MAGI1: variants seen among roughly 807,000 people sequenced by gnomAD.
MAGI1 encodes membrane-associated guanylate kinase, WW and PDZ domain-containing protein 1.
A neutral mutation model predicts 139.9 loss-of-function variants in MAGI1; 58 were observed. The observed-to-expected ratio is 0.41, with a 90% CI of 0.34 to 0.52. The LOEUF (loss-of-function observed/expected upper bound fraction) is 0.52. MAGI1 is among the 20% of genes least tolerant of loss of function. The pLI, the probability that MAGI1 is intolerant of heterozygous loss-of-function variation, is 0.12. For synonymous variants in MAGI1, 812 were observed against 737.9 expected (o/e 1.10, Z -1.63); for missense variants, 1,874 against 1,901.6 (o/e 0.99, Z 0.27).
chr3:65,417,022 A>G (rs1946268247), intron 12 of MAGI1, among the ~76,000 whole-genome samples: 1 of 152,182 alleles, frequency 6.6e-6, no homozygotes, highest in Non-Finnish European at 1.5e-5. Flanking sequence ...GAAGGTGGGA[A>G]CATTTTACAC....
At chr3:65,961,228 G>A (rs1277197486) in intron 1 of MAGI1, among the ~76,000 whole-genome samples, 3 of 152,280 alleles carry the variant, frequency 2.0e-5, no homozygotes, top group Non-Finnish European at 2.9e-5. Context: ...GCTAGGAAAC[G>A]AACTGGTCTC....
chr3:65,475,362 C>G (rs1172374248), intron 4 of MAGI1, among the ~76,000 whole-genome samples: 1 of 152,026 alleles, frequency 6.6e-6, no homozygotes, highest in Non-Finnish European at 1.5e-5. Flanking sequence ...TACAGGCACC[C>G]ACCACCATAC....
chr3:65,688,711 T>C (rs2088295659), intron 1 of MAGI1, among the ~76,000 whole-genome samples: 1 of 152,204 alleles, frequency 6.6e-6, no homozygotes, highest in African/African-American at 2.4e-5. Flanking sequence ...CCTATGACAT[T>C]CATCTACAAT....
rs1560047205 is a variant in MAGI1, at chr3:65,951,021, AAGGAAGGAAGGAAGGAAAGGAG to A, written c.313+86953_313+86974del. Among the ~76,000 whole-genome samples the A allele has an allele frequency of 1.6e-4, 12 of 72,986 alleles. 1 individual carries two copies. The highest frequency in any genetic ancestry group is 3.2e-4 in the Non-Finnish European group (9 of 27,914). The allele number at this position is 72,986 out of a possible 152,430, so 47.9% of individuals were successfully genotyped here. The stretch of plus-strand genomic sequence containing the variant: ...GAAGGAAGGAAGGAAGGAAGGAAGG[AAGGAAGGAAGGAAGGAAAGGAG>A]GGAGGGAGGGAGGAAGGTGGGAGGG... On this transcript the variant is annotated intron_variant, in intron 1 of 22. Coordinates refer to ENST00000402939, the MANE Select transcript of MAGI1 (RefSeq NM_001033057.2).
chr3:65,944,489 G>A (rs895788092), intron 1 of MAGI1, among the ~76,000 whole-genome samples: 2 of 152,106 alleles, frequency 1.3e-5, no homozygotes, highest in South Asian at 2.1e-4. Context: ...CTGCACTCCA[G>A]CCTGGGCAAC....
chr3:65,417,320 C>T (rs1946299660), intron 12 of MAGI1, among the ~76,000 whole-genome samples: 1 of 151,936 alleles, frequency 6.6e-6, no homozygotes, highest in Non-Finnish European at 1.5e-5. Context: ...TACCCCTGAA[C>T]TTAAAGTTGG....
intron 1 of MAGI1, among the ~76,000 whole-genome samples, chr3:66,033,856 T>C (rs2068772320): frequency 6.6e-6 from 1 of 152,182 alleles, no homozygotes. Context: ...ACTACAATCA[T>C]ACCATTTTAA....
chr3:65,582,239 C>A (rs4688241), intron 2 of MAGI1, among the ~76,000 whole-genome samples: 87,708 of 152,034 alleles, frequency 0.58, 27,703 homozygotes, highest in East Asian at 0.91. Flanking sequence ...GAGAAGCATG[C>A]AATATTTAGT....
chr3:65,737,903 T>C (rs1177763503), intron 1 of MAGI1, among the ~76,000 whole-genome samples: 1 of 152,104 alleles, frequency 6.6e-6, no homozygotes, highest in Middle Eastern at 3.2e-3. Flanking sequence ...CACACGCCAT[T>C]AGCGCATTAA....
intron 12 of MAGI1, among the ~76,000 whole-genome samples, chr3:65,404,687 T>G (rs1477518607): frequency 6.6e-6 from 1 of 152,212 alleles, no homozygotes; most frequent in East Asian, 1.9e-4. Flanking sequence ...CCCAAACTAT[T>G]CAGATGGATT....
intron 1 of MAGI1, among the ~76,000 whole-genome samples, chr3:65,786,619 T>C (rs1479161250): frequency 6.7e-6 from 1 of 150,140 alleles, no homozygotes; most frequent in Non-Finnish European, 1.5e-5. Context: ...TTTTTTTTTT[T>C]TTTTTTTTCT....
chr3:65,865,467 A>G (rs2059691576), intron 1 of MAGI1, among the ~76,000 whole-genome samples: 1 of 152,076 alleles, frequency 6.6e-6, no homozygotes, highest in South Asian at 2.1e-4. Flanking sequence ...GTGGTGGCAC[A>G]CACCTGTACT....
At chr3:65,957,615 A>G (rs2107038596) in intron 1 of MAGI1, among the ~76,000 whole-genome samples, 1 of 152,240 alleles carries the variant, frequency 6.6e-6, no homozygotes, top group Non-Finnish European at 1.5e-5. Flanking sequence ...AAATGAAGTC[A>G]GGTATAAAAG....
intron 1 of MAGI1, among the ~76,000 whole-genome samples, chr3:65,750,697 A>C (rs905665726): frequency 6.6e-6 from 1 of 152,192 alleles, no homozygotes; most frequent in African/African-American, 2.4e-5. Context: ...TCCCAAATCT[A>C]TAACATTAGA....
Position 65,391,083 on chromosome 3 carries a change from G to C in MAGI1, c.2416+59C>G, listed in dbSNP as rs1276031437. Reference sequence around the variant, plus strand: ...CTCATCTATTTTCAATAACCTTCAAGAGAAAGGTAGAGCCCTGCGGAGGGG... The same window carrying C: ...CTCATCTATTTTCAATAACCTTCAACAGAAAGGTAGAGCCCTGCGGAGGGG... On this transcript the variant is annotated intron_variant, in intron 14 of 22. Coordinates refer to ENST00000402939, the MANE Select transcript of MAGI1 (RefSeq NM_001033057.2). The C allele has an allele frequency of 4.6e-5, 65 of 1,411,362 alleles. No homozygotes were observed. In the East Asian group the frequency reaches 1.5e-3, roughly 32 times the overall value. The allele number at this position is 1,411,362 out of a possible 1,614,324, so 87.4% of individuals were successfully genotyped here.
At chr3:65,715,064 C>T (rs749007380) in intron 1 of MAGI1, among the ~76,000 whole-genome samples, 10 of 151,368 alleles carry the variant, frequency 6.6e-5, no homozygotes, top group Non-Finnish European at 1.5e-4. Flanking sequence ...AAGAATCATA[C>T]AAAAAAAGAA....
chr3:65,935,047 T>C (rs1470449129), intron 1 of MAGI1, among the ~76,000 whole-genome samples: 3 of 152,134 alleles, frequency 2.0e-5, no homozygotes, highest in African/African-American at 4.8e-5. Context: ...AAGGAAAGCA[T>C]AGGGAACTAT....
intron 2 of MAGI1, among the ~76,000 whole-genome samples, chr3:65,619,335 A>T (rs530228249): frequency 1.2e-4 from 19 of 152,332 alleles, no homozygotes; most frequent in African/African-American, 4.6e-4. Context: ...AAAGTGTGCT[A>T]TGATGCACAT....
At chr3:66,016,184 T>C (rs908250060) in intron 1 of MAGI1, among the ~76,000 whole-genome samples, 1 of 152,190 alleles carries the variant, frequency 6.6e-6, no homozygotes, top group African/African-American at 2.4e-5. Context: ...ACAAAATTAA[T>C]ATGGTAATAA....
Sources: allele counts gnomAD v4.1 joint callset (sites outside exome capture counted in the v4.1 genomes callset), GRCh38; gene constraint gnomAD v4.1.1; transcripts MANE v1.5; gene names NCBI Gene and HGNC (gene_info 2026-07-23, HGNC 2026-07-21).